The following CLSTN2 variants were observed in gnomAD, a reference collection of about 807,000 sequenced individuals.
The protein encoded by CLSTN2 is calsyntenin-2.
A neutral mutation model predicts 101.2 loss-of-function variants in CLSTN2; 48 were observed. The observed-to-expected ratio is 0.47, with a 90% CI of 0.38 to 0.60. CLSTN2 has a LOEUF of 0.60. Among genes scored for constraint, CLSTN2 ranks in the 20% least tolerant of loss-of-function variants. The pLI, the probability that CLSTN2 is intolerant of heterozygous loss-of-function variation, is 0.00. For synonymous variants in CLSTN2, 481 were observed against 463.6 expected (o/e 1.04, Z -0.48); for missense variants, 1,160 against 1,238.2 (o/e 0.94, Z 0.95).
intron 1 of CLSTN2, among the ~76,000 whole-genome samples, chr3:140,120,495 C>T (rs560780359): frequency 6.6e-5 from 10 of 152,220 alleles, no homozygotes; most frequent in East Asian, 3.9e-4. Context: ...TATATAAGCA[C>T]GATTGATTAA....
intron 2 of CLSTN2, among the ~76,000 whole-genome samples, chr3:140,248,462 G>T (rs1284858052): frequency 6.6e-6 from 1 of 152,190 alleles, no homozygotes; most frequent in African/African-American, 2.4e-5. Flanking sequence ...TGGGCAGAAG[G>T]CTCTAGCAGG....
At chr3:140,416,953 G>A (rs1198788464) in intron 4 of CLSTN2, among the ~76,000 whole-genome samples, 1 of 152,178 alleles carries the variant, frequency 6.6e-6, no homozygotes, top group African/African-American at 2.4e-5. Context: ...TTCTTAAAGT[G>A]AATGAAAATG....
At chr3:140,503,586 C>T (rs1174785512) in intron 8 of CLSTN2, among the ~76,000 whole-genome samples, 1 of 151,832 alleles carries the variant, frequency 6.6e-6, no homozygotes, top group African/African-American at 2.4e-5. Flanking sequence ...CTAAGCGATG[C>T]ATGACTGTAA....
At chr3:139,972,659 C>T (rs962607810) in intron 1 of CLSTN2, among the ~76,000 whole-genome samples, 4 of 152,154 alleles carry the variant, frequency 2.6e-5, no homozygotes, top group African/African-American at 4.8e-5. Flanking sequence ...ATTGCTAGCA[C>T]TCAGTAAATT....
At chr3:140,127,943 A>C (rs1385868253) in intron 1 of CLSTN2, among the ~76,000 whole-genome samples, 1 of 152,146 alleles carries the variant, frequency 6.6e-6, no homozygotes, top group East Asian at 1.9e-4. Flanking sequence ...TCCTTATTTA[A>C]ATAATCATAG....
At chr3:140,438,453 A>AAAAAAAAAT (rs2088710469) in intron 5 of CLSTN2, among the ~76,000 whole-genome samples, 1 of 149,432 alleles carries the variant, frequency 6.7e-6, no homozygotes, top group Non-Finnish European at 1.5e-5. Context: ...AAAAAAAAAA[A>AAAAAAAAAT]GCTTTGAAGC....
intron 2 of CLSTN2, among the ~76,000 whole-genome samples, chr3:140,227,495 C>T (rs888450882): frequency 2.6e-5 from 4 of 152,176 alleles, no homozygotes; most frequent in Non-Finnish European, 5.9e-5. Context: ...GGTGGCTTTT[C>T]CAGGTGCACA....
At chr3:140,349,034 T>C (rs1388539103) in intron 2 of CLSTN2, among the ~76,000 whole-genome samples, 1 of 152,214 alleles carries the variant, frequency 6.6e-6, no homozygotes, top group Admixed American at 6.5e-5. Context: ...AAAAATCTCA[T>C]GGGAGGTGAT....
chr3:140,093,194 T>G (rs149085888), intron 1 of CLSTN2, among the ~76,000 whole-genome samples: 133 of 152,150 alleles, frequency 8.7e-4, no homozygotes, highest in African/African-American at 3.1e-3. Flanking sequence ...GGCAGGGGTG[T>G]CGCCTGCTCT....
At chr3:140,389,369 A>G (rs2088087632) in intron 2 of CLSTN2, among the ~76,000 whole-genome samples, 1 of 152,168 alleles carries the variant, frequency 6.6e-6, no homozygotes, top group Admixed American at 6.5e-5. Flanking sequence ...GCTCCCACTT[A>G]TAAGTGAGAA....
At chr3:140,009,206 C>A (rs2007021195) in intron 1 of CLSTN2, among the ~76,000 whole-genome samples, 1 of 152,152 alleles carries the variant, frequency 6.6e-6, no homozygotes, top group South Asian at 2.1e-4. Flanking sequence ...CTTATCCAGC[C>A]ATGCTATTTT....
intron 1 of CLSTN2, among the ~76,000 whole-genome samples, chr3:140,012,894 A>G (rs1294926895): frequency 6.6e-6 from 1 of 152,082 alleles, no homozygotes; most frequent in East Asian, 1.9e-4. Flanking sequence ...TAGAAACAGC[A>G]GTGGTGCTGG....
intron 1 of CLSTN2, among the ~76,000 whole-genome samples, chr3:140,057,354 G>A (rs533823123): frequency 6.6e-6 from 1 of 152,208 alleles, no homozygotes; most frequent in African/African-American, 2.4e-5. Context: ...TGCAATAGCA[G>A]ATGTTTTATA....
chr3:140,142,446 G>T (rs183942340), intron 1 of CLSTN2, among the ~76,000 whole-genome samples: 1 of 152,162 alleles, frequency 6.6e-6, no homozygotes, highest in African/African-American at 2.4e-5. Flanking sequence ...GCTGTGAGGG[G>T]GTAGATTGTC....
chr3:140,356,929 G>A (rs545221324), intron 2 of CLSTN2, among the ~76,000 whole-genome samples: 118 of 152,292 alleles, frequency 7.7e-4, no homozygotes, highest in South Asian at 8.3e-4. Flanking sequence ...CAGTCTGATA[G>A]CATGCCAGTG....
At chr3:140,160,153 T>A (rs1244219033) in intron 1 of CLSTN2, among the ~76,000 whole-genome samples, 2 of 152,094 alleles carry the variant, frequency 1.3e-5, no homozygotes, top group African/African-American at 4.8e-5. Flanking sequence ...ACCCCGTGTA[T>A]CTAAAATAAA....
chr3:140,306,434 T>C (rs1292434228), intron 2 of CLSTN2, among the ~76,000 whole-genome samples: 7 of 152,130 alleles, frequency 4.6e-5, no homozygotes, highest in Non-Finnish European at 7.3e-5. Flanking sequence ...TATTGCCAAC[T>C]GATCCCAGCT....
chr3:140,484,101 C>T (rs976419144), intron 8 of CLSTN2, among the ~76,000 whole-genome samples: 29 of 152,226 alleles, frequency 1.9e-4, no homozygotes, highest in African/African-American at 6.3e-4. Flanking sequence ...TGGCTGGTAC[C>T]AGTTGTTCCT....
chr3:140,385,731 A>C (rs2088045432), intron 2 of CLSTN2, among the ~76,000 whole-genome samples: 1 of 152,088 alleles, frequency 6.6e-6, no homozygotes, highest in Admixed American at 6.5e-5. Flanking sequence ...TCTCTGCCTG[A>C]AGAGGCCCTT....
Sources: allele counts gnomAD v4.1 joint callset (sites outside exome capture counted in the v4.1 genomes callset), GRCh38; gene constraint gnomAD v4.1.1; transcripts MANE v1.5; gene names NCBI Gene and HGNC (gene_info 2026-07-23, HGNC 2026-07-21).